LIPN: variants seen among roughly 807,000 people sequenced by gnomAD.
LIPN encodes lipase member N.
A neutral mutation model predicts 43.7 loss-of-function variants in LIPN; 32 were observed. The observed-to-expected ratio is 0.73, with a 90% CI of 0.55 to 0.98. LIPN has a LOEUF of 0.98. LIPN is among the 50% of genes least tolerant of loss of function. The pLI is 0.00. For missense variants in LIPN, 505 were observed against 483.8 expected, an observed-to-expected ratio of 1.04 and a Z score of -0.41; for synonymous variants, 156 against 157.6, an observed-to-expected ratio of 0.99 and a Z score of 0.08.
chr10:88,777,028 G>A (rs1462215946), intron 9 of LIPN, among the ~76,000 whole-genome samples: 1 of 151,880 alleles, frequency 6.6e-6, no homozygotes, highest in Non-Finnish European at 1.5e-5. Context: ...TATTGAAGAG[G>A]GCTTCTTCTA....
upstream of LIPN, among the ~76,000 whole-genome samples, chr10:88,758,672 A>G (rs1842956771): frequency 6.6e-6 from 1 of 151,608 alleles, no homozygotes; most frequent in Admixed American, 6.6e-5. Context: ...GTGATGGAGC[A>G]TTGTGAGAAA....
At chr10:88,760,833 C>T (rs1460859970) in intron 1 of LIPN, among the ~76,000 whole-genome samples, 1 of 152,092 alleles carries the variant, frequency 6.6e-6, no homozygotes, top group Non-Finnish European at 1.5e-5. Flanking sequence ...TGTTGGTCTA[C>T]CTTTGAATAG....
chr10:88,773,188 C>T (rs1843239569), intron 7 of LIPN, among the ~76,000 whole-genome samples: 2 of 151,548 alleles, frequency 1.3e-5, no homozygotes, highest in South Asian at 2.1e-4. Context: ...TAGATGTCTG[C>T]TATACATAGA....
chr10:88,765,840 C>T (rs1266571214), intron 4 of LIPN, among the ~76,000 whole-genome samples: 2 of 151,556 alleles, frequency 1.3e-5, no homozygotes, highest in African/African-American at 4.8e-5. Flanking sequence ...AGTAATTTCT[C>T]AAGAGTTGCA....
At position 88,764,608 on chromosome 10, in the gene LIPN, G is replaced by A; in HGVS notation, c.425G>A (p.Ser142Asn). Residue 142 changes from serine (S) to asparagine (N), a missense_variant and splice_region_variant, in exon 4 of 10, where the codon AGT becomes AAT. Transcript: ENST00000404459. ...SETDEKFWAF[S>N]FDEMAKYDLP... Reference sequence around the variant, plus strand: ...ACAGATGAGAAATTCTGGGCCTTTAGGTAAATATTAGCTAAGAAAACTCAA... The same window carrying A: ...ACAGATGAGAAATTCTGGGCCTTTAAGTAAATATTAGCTAAGAAAACTCAA... 5 of 1,585,288 alleles carry A rather than the reference G, an allele frequency of 3.2e-6. No homozygotes were observed. The highest frequency in any genetic ancestry group is 4.3e-6 in the Non-Finnish European group (5 of 1,164,462).
rs41284088 is a variant in LIPN at position 88,764,578 on chromosome 10, C to G, written c.395C>G (p.Ser132Ter). The change falls in exon 4 of 10, where the codon TCA (serine) becomes TGA (stop). Residue 132 changes from serine to a stop codon, truncating the protein, a stop_gained. Transcript: ENST00000404459. LOFTEE classifies it high-confidence loss of function. ...TGGTCAAGAAGACACAAAACACTCTCAGAGACAGATGAGAAATTCTGGGCC... is the reference window on the plus strand; with the variant it reads ...TGGTCAAGAAGACACAAAACACTCTGAGAGACAGATGAGAAATTCTGGGCC... ...NTWSRRHKTL[S>*]ETDEKFWAFS... 1 of 1,607,784 alleles carries G rather than the reference C, an allele frequency of 6.2e-7. No individual in the cohort carries two copies. Among genetic ancestry groups the G allele is most frequent in the Non-Finnish European group, 8.5e-7 (1 of 1,176,682 alleles).
Position 88,767,016 on chromosome 10 carries a change from A to C in LIPN, c.535+638A>C, listed in dbSNP as rs1843113152. Reference sequence around the variant, plus strand: ...CTTCTTAATTTACTTACTTTACTTAATTTACTTTACAATTTACTTTCCAGG... The same window carrying C: ...CTTCTTAATTTACTTACTTTACTTACTTTACTTTACAATTTACTTTCCAGG... On this transcript the variant is annotated intron_variant, in intron 5 of 9. Coordinates refer to ENST00000404459, the MANE Select transcript of LIPN (RefSeq NM_001102469.2). 3.9e-5 allele frequency among the ~76,000 whole-genome samples: 6 copies of C among 151,972 alleles called. No homozygotes were observed. The South Asian group carries it at 1.2e-3, about 31-fold the overall frequency.
intron 4 of LIPN, among the ~76,000 whole-genome samples, chr10:88,765,654 AAT>A (rs1165909083): frequency 6.6e-6 from 1 of 151,948 alleles, no homozygotes; most frequent in East Asian, 1.9e-4. Flanking sequence ...GTATATATTA[AAT>A]ATATATCTAT....
chr10:88,779,517 A>G lies in LIPN; in HGVS notation c.*1275A>G, dbSNP rs1843351276. On this transcript the variant is annotated 3_prime_UTR_variant, in exon 10 of 10. Transcript: ENST00000404459. ...AAAATGAAACTGGTAGAACTATGTG[A>G]TTGCAAATATATACAAATATTAAAA... Among the ~76,000 whole-genome samples the G allele has an allele frequency of 6.6e-6, 1 of 152,212 alleles. No individual in the cohort carries two copies. The highest frequency in any genetic ancestry group is 1.5e-5 in the Non-Finnish European group (1 of 68,040).
intron 9 of LIPN, among the ~76,000 whole-genome samples, chr10:88,777,062 G>A (rs1215003924): frequency 6.6e-6 from 1 of 152,044 alleles, no homozygotes; most frequent in Non-Finnish European, 1.5e-5. Context: ...CTTGTACAAT[G>A]TAGTTTAGGT....
At chr10:88,776,600 A>G (rs781279010) in intron 9 of LIPN, among the ~76,000 whole-genome samples, 16 of 152,012 alleles carry the variant, frequency 1.1e-4, no homozygotes, top group Non-Finnish European at 1.8e-4. Context: ...CTCTCTCCTC[A>G]AGTTCACAGC....
At chr10:88,765,304 T>C (rs1302604562) in intron 4 of LIPN, among the ~76,000 whole-genome samples, 2 of 151,958 alleles carry the variant, frequency 1.3e-5, no homozygotes, top group African/African-American at 4.8e-5. Flanking sequence ...AAGCTCCCTG[T>C]TGGTTTGTAA....
At chr10:88,773,660 A>T (rs902423795) in intron 7 of LIPN, among the ~76,000 whole-genome samples, 2 of 151,880 alleles carry the variant, frequency 1.3e-5, no homozygotes, top group African/African-American at 4.8e-5. Flanking sequence ...TGTATTCCAA[A>T]TAGCAGCCAA....
intron 5 of LIPN, among the ~76,000 whole-genome samples, chr10:88,766,772 C>T (rs908035378): frequency 1.3e-5 from 2 of 151,860 alleles, no homozygotes; most frequent in African/African-American, 4.8e-5. Context: ...TTCTCACAAC[C>T]CAAATGGGAT....
intron 1 of LIPN, 141 bp from the exon 2 acceptor site, chr10:88,761,257 A>G: frequency 1.6e-6 from 1 of 628,562 alleles, no homozygotes; most frequent in Non-Finnish European, 2.9e-6. Flanking sequence ...AGTTCACTGT[A>G]TTTATTCCTT....
At chr10:88,772,281 T>C (rs1843222802) in intron 7 of LIPN, among the ~76,000 whole-genome samples, 1 of 151,934 alleles carries the variant, frequency 6.6e-6, no homozygotes, top group Non-Finnish European at 1.5e-5. Flanking sequence ...AATTTGTTCA[T>C]GTTTGCTTTG....
At chr10:88,771,468 A>G (rs1369955820) in intron 7 of LIPN, among the ~76,000 whole-genome samples, 1 of 151,688 alleles carries the variant, frequency 6.6e-6, no homozygotes, top group African/African-American at 2.4e-5. Flanking sequence ...TATCTCTATA[A>G]GGTCAGTTTT....
rs1842995023 is a variant in LIPN, at chr10:88,761,454, A to G, written c.49A>G (p.Asn17Asp). The change falls in exon 2 of 10, where the codon AAT becomes GAT. Residue 17 changes from asparagine (N) to aspartate (D), a missense_variant. Transcript: ENST00000404459. Reference sequence around the variant, plus strand: ...AACTTGTTTGATCTGTGGAACTTTAAATGCTGGTGGATTCCTTGATTTGGA... The same window carrying G: ...AACTTGTTTGATCTGTGGAACTTTAGATGCTGGTGGATTCCTTGATTTGGA... ...TTTCLICGTL[N>D]AGGFLDLENE... The G allele has an allele frequency of 1.2e-6, 2 of 1,612,292 alleles. No individual in the cohort carries two copies. Among genetic ancestry groups the G allele is most frequent in the Non-Finnish European group, 1.7e-6 (2 of 1,179,008 alleles).
intron 5 of LIPN, 21 bp downstream of exon 5, chr10:88,766,399 G>GT: frequency 7.1e-7 from 1 of 1,403,932 alleles, no homozygotes; most frequent in Non-Finnish European, 1.0e-6. Context: ...GAGGGTCACT[G>GT]TTAGGTGTGT....
Sources: allele counts gnomAD v4.1 joint callset (sites outside exome capture counted in the v4.1 genomes callset), GRCh38; gene constraint gnomAD v4.1.1; transcripts MANE v1.5; gene names NCBI Gene and HGNC (gene_info 2026-07-23, HGNC 2026-07-21).